The following MPP7 variants were observed in gnomAD, a reference collection of about 807,000 sequenced individuals.
The protein encoded by MPP7 is MAGUK p55 subfamily member 7.
Under a neutral mutation model 76.5 loss-of-function variants are expected in MPP7, and 60 were observed. The observed-to-expected ratio is 0.78, with a 90% CI of 0.64 to 0.97. The LOEUF (loss-of-function observed/expected upper bound fraction) is 0.97, where lower values mean the gene tolerates loss of function less well. Ranked by LOEUF, MPP7 falls within the 50% of genes least tolerant of loss-of-function variation. The pLI is 0.00. For synonymous variants in MPP7, 237 were observed against 244.5 expected (o/e 0.97, Z 0.29); for missense variants, 641 against 694.0 (o/e 0.92, Z 0.86).
At chr10:28,165,505 T>G (rs1836418381) in intron 3 of MPP7, among the ~76,000 whole-genome samples, 1 of 145,648 alleles carries the variant, frequency 6.9e-6, no homozygotes, top group African/African-American at 2.6e-5. Flanking sequence ...CGACCTGGGC[T>G]ATAGAGTGAG....
chr10:28,063,754 C>T (rs1419510975), intron 13 of MPP7, among the ~76,000 whole-genome samples: 3 of 152,164 alleles, frequency 2.0e-5, no homozygotes, highest in Non-Finnish European at 4.4e-5. Flanking sequence ...TTCATCCTGA[C>T]ACCATCCCCT....
intron 5 of MPP7, among the ~76,000 whole-genome samples, chr10:28,135,964 T>C (rs1226261146): frequency 6.6e-6 from 1 of 152,090 alleles, no homozygotes; most frequent in African/African-American, 2.4e-5. Context: ...TTCATCTATA[T>C]TTATAGCTGT....
At position 28,119,757 on chromosome 10, in the gene MPP7, A is replaced by C; in HGVS notation, c.888-42T>G. On this transcript the variant is annotated intron_variant, in intron 10 of 16. Coordinates refer to ENST00000683449, the MANE Select transcript of MPP7 (RefSeq NM_001318170.2). The stretch of plus-strand genomic sequence containing the variant: ...CAACATACCTATCAATTTTCAGCAC[A>C]GGTCCGAGGTGAATACAATATCAAA... The C allele has an allele frequency of 2.0e-6, 3 of 1,485,460 alleles. No individual in the cohort carries two copies. The South Asian group carries it at 3.5e-5, about 17-fold the overall frequency. 92.0% of individuals were successfully genotyped at this position (1,485,460 alleles called of 1,614,324 possible). A position where few individuals can be genotyped will look rare whatever the true frequency, so the allele number is the denominator to read the frequency against.
chr10:28,319,832 C>T lies in MPP7; in HGVS notation c.-132+10097G>A, dbSNP rs137919627. Among the ~76,000 whole-genome samples the T allele has an allele frequency of 6.6e-4, 101 of 152,002 alleles. 3 individuals carry two copies. The East Asian group carries it at 0.017, about 26-fold the overall frequency. Reference sequence around the variant, plus strand: ...CTATACTAAAATACAGAAAATTAGCCGGGTGTGGTGATGCACGCCTGTGGT... The same window carrying T: ...CTATACTAAAATACAGAAAATTAGCTGGGTGTGGTGATGCACGCCTGTGGT... On this transcript the variant is annotated intron_variant, in intron 2 of 11. Transcript: ENST00000441595.
chr10:28,318,121 G>A (rs1048391971), intron 2 of MPP7, among the ~76,000 whole-genome samples: 1 of 152,100 alleles, frequency 6.6e-6, no homozygotes, highest in African/African-American at 2.4e-5. Context: ...CCAAAAGAGC[G>A]GGCATTCCAA....
At chr10:28,312,427 G>C (rs2133175703) in intron 2 of MPP7, among the ~76,000 whole-genome samples, 1 of 152,162 alleles carries the variant, frequency 6.6e-6, no homozygotes, top group South Asian at 2.1e-4. Flanking sequence ...CTAGCTACAG[G>C]GTGCTGATTG....
intron 11 of MPP7, among the ~76,000 whole-genome samples, chr10:28,114,981 A>G (rs1834616604): frequency 6.6e-6 from 1 of 152,032 alleles, no homozygotes. Context: ...TGAAATTTAC[A>G]ACTTAGTTCA....
chr10:28,265,530 G>C (rs903429002), intron 1 of MPP7, among the ~76,000 whole-genome samples: 8 of 152,130 alleles, frequency 5.3e-5, no homozygotes, highest in African/African-American at 1.9e-4. Context: ...CTGCACTCCA[G>C]CTTGGGCAAC....
At chr10:28,223,736 C>T (rs1036539955) in intron 2 of MPP7, among the ~76,000 whole-genome samples, 2 of 151,964 alleles carry the variant, frequency 1.3e-5, no homozygotes, top group Non-Finnish European at 2.9e-5. Context: ...TGATCTGAGT[C>T]TCAAGTGTTA....
At chr10:28,279,059 G>A (rs1407637254) in intron 1 of MPP7, among the ~76,000 whole-genome samples, 3 of 151,958 alleles carry the variant, frequency 2.0e-5, no homozygotes, top group South Asian at 2.1e-4. Context: ...TGGACTCAAC[G>A]TATTTCTTGA....
intron 3 of MPP7, among the ~76,000 whole-genome samples, chr10:28,180,576 G>A (rs1370727567): frequency 6.6e-6 from 1 of 152,110 alleles, no homozygotes; most frequent in Non-Finnish European, 1.5e-5. Flanking sequence ...TATTTGAAAT[G>A]TAATATAGTG....
chr10:28,055,840 A>G (rs999017711), intron 16 of MPP7, among the ~76,000 whole-genome samples: 2 of 152,194 alleles, frequency 1.3e-5, no homozygotes, highest in African/African-American at 4.8e-5. Flanking sequence ...TCAGCCTACA[A>G]TAGTATGAAA....
intron 2 of MPP7, among the ~76,000 whole-genome samples, chr10:28,316,808 G>A (rs1223802732): frequency 6.6e-6 from 1 of 152,202 alleles, no homozygotes; most frequent in African/African-American, 2.4e-5. Flanking sequence ...GCTCTTTCCT[G>A]TACGGCGCTC....
At chr10:28,298,916 T>C (rs992106850) in intron 1 of MPP7, among the ~76,000 whole-genome samples, 2 of 152,224 alleles carry the variant, frequency 1.3e-5, no homozygotes, top group Admixed American at 6.5e-5. Flanking sequence ...AACCAACCTC[T>C]TCTAGCTTCC....
intron 3 of MPP7, among the ~76,000 whole-genome samples, chr10:28,176,035 C>T (rs917060734): frequency 2.6e-5 from 4 of 151,956 alleles, no homozygotes; most frequent in African/African-American, 9.7e-5. Flanking sequence ...TCATTGATTA[C>T]CTTTAATTGG....
intron 11 of MPP7, chr10:28,118,636 T>C (rs1293026219): frequency 1.6e-5 from 16 of 985,274 alleles, no homozygotes; most frequent in Admixed American, 6.2e-5. Flanking sequence ...AGAAGACTTG[T>C]AGCATTCTGT....
At chr10:28,095,933 G>A (rs185897140) in intron 11 of MPP7, among the ~76,000 whole-genome samples, 12 of 152,154 alleles carry the variant, frequency 7.9e-5, no homozygotes, top group African/African-American at 1.4e-4. Context: ...TGAAAGGAAC[G>A]GCACGTTTAG....
At chr10:28,108,676 A>AATAAAATAAT (rs1352834295) in intron 11 of MPP7, among the ~76,000 whole-genome samples, 5 of 146,572 alleles carry the variant, frequency 3.4e-5, no homozygotes, top group Non-Finnish European at 7.4e-5. Flanking sequence ...AATAAAATAA[A>AATAAAATAAT]ATAAAATAAT....
intron 3 of MPP7, among the ~76,000 whole-genome samples, chr10:28,166,326 G>A (rs1012542430): frequency 6.6e-6 from 1 of 150,520 alleles, no homozygotes; most frequent in East Asian, 1.9e-4. Flanking sequence ...ATCTAACCCT[G>A]TGTGCCCCTT....
Sources: allele counts gnomAD v4.1 joint callset (sites outside exome capture counted in the v4.1 genomes callset), GRCh38; gene constraint gnomAD v4.1.1; transcripts MANE v1.5; gene names NCBI Gene and HGNC (gene_info 2026-07-23, HGNC 2026-07-21).